EDIL3: variants seen among roughly 807,000 people sequenced by gnomAD.
EDIL3 encodes the protein EGF-like repeat and discoidin I-like domain-containing protein 3.
A neutral mutation model predicts 67.4 loss-of-function variants in EDIL3; 37 were observed. The ratio of observed to expected loss-of-function variants is 0.55; its 90% confidence interval spans 0.42 to 0.72. The LOEUF (loss-of-function observed/expected upper bound fraction) is 0.72. Ranked by LOEUF, EDIL3 falls within the 30% of genes least tolerant of loss-of-function variation. The probability of loss-of-function intolerance (pLI) is 0.00; values close to 1 mark genes in which losing one functional copy is unlikely to be tolerated. For missense variants in EDIL3, 527 were observed against 586.3 expected (o/e 0.90, Z 1.04); for synonymous variants, 195 against 196.3 (o/e 0.99, Z 0.05).
chr5:84,142,034 A>T (rs1030063128), intron 4 of EDIL3, among the ~76,000 whole-genome samples: 12 of 148,458 alleles, frequency 8.1e-5, no homozygotes, highest in Admixed American at 7.5e-4. Context: ...AATTCACCTT[A>T]TGCACATCCA....
At chr5:83,960,560 T>C (rs1744590247) in intron 10 of EDIL3, among the ~76,000 whole-genome samples, 1 of 151,190 alleles carries the variant, frequency 6.6e-6, no homozygotes, top group East Asian at 1.9e-4. Context: ...CATGTCCAAA[T>C]TGTATGTTAT....
At chr5:84,345,352 T>G (rs1035530398) in intron 1 of EDIL3, among the ~76,000 whole-genome samples, 1 of 152,174 alleles carries the variant, frequency 6.6e-6, no homozygotes, top group Admixed American at 6.5e-5. Context: ...TTCAAACTAC[T>G]CATTACCCTT....
At chr5:84,329,469 G>T (rs974785488) in intron 1 of EDIL3, among the ~76,000 whole-genome samples, 1 of 152,036 alleles carries the variant, frequency 6.6e-6, no homozygotes, top group African/African-American at 2.4e-5. Flanking sequence ...TGCTTGTTAT[G>T]AAAGACTCTC....
chr5:84,086,993 C>T (rs763809763), intron 6 of EDIL3, among the ~76,000 whole-genome samples: 2 of 152,104 alleles, frequency 1.3e-5, no homozygotes, highest in Non-Finnish European at 2.9e-5. Flanking sequence ...CTAGGAACCA[C>T]CATGTGACAC....
intron 3 of EDIL3, among the ~76,000 whole-genome samples, chr5:84,198,125 G>A (rs1207812087): frequency 6.6e-6 from 1 of 151,938 alleles, no homozygotes; most frequent in Non-Finnish European, 1.5e-5. Flanking sequence ...TGAAGACTAG[G>A]AAACTCTAAT....
intron 9 of EDIL3, among the ~76,000 whole-genome samples, chr5:83,993,022 A>C (rs1167409344): frequency 6.6e-6 from 1 of 152,176 alleles, no homozygotes; most frequent in Non-Finnish European, 1.5e-5. Flanking sequence ...GCTATTGAGG[A>C]AGATTCAACT....
chr5:84,045,627 A>G (rs1385887499), intron 9 of EDIL3, among the ~76,000 whole-genome samples: 1 of 152,182 alleles, frequency 6.6e-6, no homozygotes, highest in Non-Finnish European at 1.5e-5. Context: ...AATCTCAGAA[A>G]AGAATTTTAC....
chr5:84,317,553 G>A (rs1022567391), intron 1 of EDIL3, among the ~76,000 whole-genome samples: 3 of 152,042 alleles, frequency 2.0e-5, no homozygotes, highest in Non-Finnish European at 4.4e-5. Context: ...GGAAGAAGTC[G>A]AATCTCTGAA....
chr5:84,265,129 A>C (rs55739137), intron 1 of EDIL3, among the ~76,000 whole-genome samples: 4,541 of 152,276 alleles, frequency 0.03, 209 homozygotes, highest in African/African-American at 0.1. Context: ...GTAATGTTAA[A>C]ATTACAGAAA....
intron 2 of EDIL3, among the ~76,000 whole-genome samples, chr5:84,241,120 T>C (rs1207015779): frequency 2.0e-5 from 3 of 152,216 alleles, no homozygotes; most frequent in East Asian, 3.8e-4. Flanking sequence ...CTTATGATAA[T>C]TATTTTCTGC....
At chr5:84,089,796 T>C (rs1039418731) in intron 6 of EDIL3, among the ~76,000 whole-genome samples, 3 of 152,200 alleles carry the variant, frequency 2.0e-5, no homozygotes, top group African/African-American at 4.8e-5. Context: ...GACTTTACTC[T>C]GATGTCCGTT....
chr5:84,158,732 A>G (rs1198062750), intron 4 of EDIL3, among the ~76,000 whole-genome samples: 2 of 152,078 alleles, frequency 1.3e-5, no homozygotes, highest in Non-Finnish European at 2.9e-5. Context: ...GGAAACCTTT[A>G]TCCTAAGATG....
At chr5:84,310,803 A>G (rs1001394539) in intron 1 of EDIL3, among the ~76,000 whole-genome samples, 2 of 152,150 alleles carry the variant, frequency 1.3e-5, no homozygotes, top group African/African-American at 4.8e-5. Context: ...GTACATATCT[A>G]TGTACCCCTA....
intron 2 of EDIL3, among the ~76,000 whole-genome samples, chr5:84,247,512 T>TA (rs1463359910): frequency 2.0e-5 from 3 of 152,288 alleles, no homozygotes; most frequent in Admixed American, 2.0e-4. Context: ...TCTAGTTTTT[T>TA]AAAAAATGTG....
intron 9 of EDIL3, among the ~76,000 whole-genome samples, chr5:83,988,239 T>C (rs1428076827): frequency 1.3e-5 from 2 of 152,130 alleles, no homozygotes; most frequent in Non-Finnish European, 2.9e-5. Context: ...ATCAGACTGC[T>C]CAATACAATA....
chr5:84,294,503 CTTA>C (rs1746001697), intron 1 of EDIL3, among the ~76,000 whole-genome samples: 1 of 150,420 alleles, frequency 6.6e-6, no homozygotes, highest in Non-Finnish European at 1.5e-5. Context: ...ATTTTGAATA[CTTA>C]TTAACAAATT....
intron 4 of EDIL3, among the ~76,000 whole-genome samples, chr5:84,158,638 C>T (rs1039057870): frequency 6.6e-6 from 1 of 152,008 alleles, no homozygotes; most frequent in African/African-American, 2.4e-5. Context: ...CATCTATTTA[C>T]TACTTATCCC....
intron 4 of EDIL3, among the ~76,000 whole-genome samples, chr5:84,150,296 A>G (rs1431254913): frequency 1.3e-5 from 2 of 152,154 alleles, no homozygotes; most frequent in African/African-American, 2.4e-5. Context: ...TATTTTTTCT[A>G]TATCAAATCC....
rs1362425058 is a variant in EDIL3 at position 84,055,381 on chromosome 5, T to A, written c.1137+4919A>T. Among the ~76,000 whole-genome samples the A allele has an allele frequency of 6.8e-5, 10 of 146,490 alleles. 1 individual carries two copies. The highest frequency in any genetic ancestry group is 1.3e-4 in the Admixed American group (2 of 14,918). On this transcript the variant is annotated intron_variant, in intron 9 of 10. Coordinates refer to ENST00000296591, the MANE Select transcript of EDIL3 (RefSeq NM_005711.5). The stretch of plus-strand genomic sequence containing the variant: ...GAGAAGAAAACCTAGGCTATACCAT[T>A]CAGGACATAGGCATGGGCAAGGACT...
Sources: allele counts gnomAD v4.1 joint callset (sites outside exome capture counted in the v4.1 genomes callset), GRCh38; gene constraint gnomAD v4.1.1; transcripts MANE v1.5; gene names NCBI Gene and HGNC (gene_info 2026-07-23, HGNC 2026-07-21).